The following TMEM8B variants were observed in gnomAD, a reference collection of about 807,000 sequenced individuals.
TMEM8B encodes nasopharyngeal carcinoma expressed 6.
Under a neutral mutation model 49.3 loss-of-function variants are expected in TMEM8B, and 29 were observed. That is an observed-to-expected ratio of 0.59 (90% CI 0.44 to 0.80). The LOEUF (loss-of-function observed/expected upper bound fraction) is 0.80, where lower values mean the gene tolerates loss of function less well. Ranked by LOEUF, TMEM8B falls within the 30% of genes least tolerant of loss-of-function variation. The pLI, the probability that TMEM8B is intolerant of heterozygous loss-of-function variation, is 0.00. For missense variants in TMEM8B, 575 were observed against 658.5 expected (o/e 0.87, Z 1.39); for synonymous variants, 264 against 272.8 (o/e 0.97, Z 0.32).
rs1331334871 is a variant in TMEM8B, at chr9:35,862,699, C to T, written c.*8859C>T. On this transcript the variant is annotated 3_prime_UTR_variant, in exon 13 of 13. Transcript: ENST00000643932. ...GGCTGGAGTGCCTTTCTTTTCTACTCATCCTTCAAGGCTCAGTTCACACAC... is the reference window on the plus strand; with the variant it reads ...GGCTGGAGTGCCTTTCTTTTCTACTTATCCTTCAAGGCTCAGTTCACACAC... 6.6e-6 allele frequency: 1 copy of T among 152,246 alleles called. No individual in the cohort carries two copies. Among genetic ancestry groups the T allele is most frequent in the African/African-American group, 2.4e-5 (1 of 41,442 alleles). The allele number at this position is 152,246 out of a possible 1,614,324, so 9.4% of individuals were successfully genotyped here.
At position 35,865,200 on chromosome 9, in the gene TMEM8B, A is replaced by G. The variant is rs1832717216; in HGVS notation, c.*11360A>G. The G allele has an allele frequency of 6.6e-6, 1 of 152,244 alleles. No individual in the cohort carries two copies. Among genetic ancestry groups the G allele is most frequent in the African/African-American group, 2.4e-5 (1 of 41,448 alleles). 9.4% of individuals were successfully genotyped at this position (152,244 alleles called of 1,614,324 possible). ...CTTGGATGCCATAGGCTCCAGGCCC[A>G]TAAGCCCGGCTTCACTAGGCCTGGG... On this transcript the variant is annotated 3_prime_UTR_variant, in exon 13 of 13. Transcript: ENST00000643932.
rs1189240726 is a variant in TMEM8B at position 35,856,198 on chromosome 9, C to T, written c.*2358C>T. The T allele has an allele frequency of 6.6e-6, 1 of 152,274 alleles. No homozygotes were observed. The highest frequency in any genetic ancestry group is 2.4e-5 in the African/African-American group (1 of 41,464). 9.4% of individuals were successfully genotyped at this position (152,274 alleles called of 1,614,324 possible). Reference sequence around the variant, plus strand: ...CATCCCTTCCCTGAGATTTTCATCACTCCCTGTGGTCTTCAGTCAGTAAAG... The same window carrying T: ...CATCCCTTCCCTGAGATTTTCATCATTCCCTGTGGTCTTCAGTCAGTAAAG... On this transcript the variant is annotated 3_prime_UTR_variant, in exon 13 of 13. Transcript: ENST00000643932.
intron 10 of TMEM8B, among the ~76,000 whole-genome samples, chr9:35,852,603 G>T (rs549439401): frequency 6.6e-6 from 1 of 152,116 alleles, no homozygotes; most frequent in African/African-American, 2.4e-5. Flanking sequence ...CTCAGGGTCA[G>T]GGTCAGGGCT....
chr9:35,831,410 C>T lies in TMEM8B; in HGVS notation c.508+1455C>T, dbSNP rs996574838. On this transcript the variant is annotated intron_variant, in intron 1 of 12. Transcript: ENST00000643932. ...GGCTGGAGACCCTTTCTCAGCAGTT[C>T]CAAGGGTGAGGGCAGTGTTGCATGC... 5.9e-5 allele frequency among the ~76,000 whole-genome samples: 9 copies of T among 152,132 alleles called. 1 individual carries two copies. Among genetic ancestry groups the T allele is most frequent in the Admixed American group, 4.6e-4 (7 of 15,278 alleles).
intron 3 of TMEM8B, among the ~76,000 whole-genome samples, chr9:35,840,663 T>C (rs1830885750): frequency 6.6e-6 from 1 of 151,712 alleles, no homozygotes; most frequent in Non-Finnish European, 1.5e-5. Context: ...AAGGTTGAGA[T>C]TGGTGGCGGG....
chr9:35,843,389 C>A (rs1222821592), intron 6 of TMEM8B, among the ~76,000 whole-genome samples: 2 of 152,230 alleles, frequency 1.3e-5, no homozygotes, highest in African/African-American at 2.4e-5. Context: ...CCTGCAACCA[C>A]CCAAAAGCTG....
In TMEM8B at chr9:35,856,062, G is replaced by A. The variant is rs1018188658; in HGVS notation, c.*2222G>A. ...TGGGGTGCATCCCTCCCAGTGAGGA[G>A]GGGTCATGAGGGGCGTCTGGGAAGA... On this transcript the variant is annotated 3_prime_UTR_variant, in exon 13 of 13. Transcript: ENST00000643932. 1.3e-5 allele frequency: 2 copies of A among 152,282 alleles called. No individual in the cohort carries two copies. Among genetic ancestry groups the A allele is most frequent in the South Asian group, 2.1e-4 (1 of 4,832 alleles). 9.4% of individuals were successfully genotyped at this position (152,282 alleles called of 1,614,324 possible).
rs1050484102 is a variant in TMEM8B at position 35,841,734 on chromosome 9, G to A, written c.1249G>A (p.Glu417Lys). The change falls in exon 5 of 13, where the codon GAA becomes AAA. Residue 417 changes from glutamate to lysine, a missense_variant. Transcript: ENST00000643932. The surrounding 1 kb of genome is among the most constrained non-coding windows in gnomAD (Gnocchi z 5.9). ...GGGGCACTGGGTCTACGTGCGTGTG[G>A]AAACATCATCCCGGGGCCCTGGTAG... ...PWGHWVYVRV[E>K]TSSRGPGRTI... 3.1e-5 allele frequency: 13 copies of A among 415,876 alleles called. No individual in the cohort carries two copies. The highest frequency in any genetic ancestry group is 5.3e-5 in the Non-Finnish European group (12 of 226,544). The allele number at this position is 415,876 out of a possible 1,614,324, so 25.8% of individuals were successfully genotyped here.
chr9:35,847,622 C>A (rs1159958327), intron 10 of TMEM8B, among the ~76,000 whole-genome samples: 3 of 152,158 alleles, frequency 2.0e-5, no homozygotes, highest in Admixed American at 6.5e-5. Context: ...CTCTCAGAGT[C>A]CTGAGAAGCT....
intron 6 of TMEM8B, among the ~76,000 whole-genome samples, chr9:35,844,814 G>A (rs1303758798): frequency 1.3e-5 from 2 of 152,138 alleles, no homozygotes; most frequent in Non-Finnish European, 2.9e-5. Flanking sequence ...TCACTTTAAT[G>A]AGCATCTGTT....
At chr9:35,837,290 GA>G (rs1387538090) in intron 3 of TMEM8B, among the ~76,000 whole-genome samples, 2 of 151,838 alleles carry the variant, frequency 1.3e-5, no homozygotes, top group East Asian at 3.8e-4. Flanking sequence ...GTGTGCTGGG[GA>G]CACAGAGAAA....
Position 35,833,315 on chromosome 9 carries a change from C to T in TMEM8B, c.509-1146C>T, listed in dbSNP as rs774150989. The T allele has an allele frequency of 1.0e-5, 10 of 985,326 alleles. No individual in the cohort carries two copies. The Middle Eastern group carries it at 4.7e-3, about 463-fold the overall frequency. 61.0% of individuals were successfully genotyped at this position (985,326 alleles called of 1,614,324 possible). A position where few individuals can be genotyped will look rare whatever the true frequency, so the allele number is the denominator to read the frequency against. On this transcript the variant is annotated intron_variant, in intron 1 of 12. Coordinates refer to ENST00000643932, the MANE Select transcript of TMEM8B (RefSeq NM_001042590.4). ...GGTCTGTCCTGAAGCTGCTGAGTTC[C>T]CCACCTTCTCACCTGTCCTGGAGGT... is the stretch of plus-strand genomic sequence containing the variant.
chr9:35,863,600 A>G lies in TMEM8B; in HGVS notation c.*9760A>G, dbSNP rs1204118492. 1 of 152,130 alleles carries G rather than the reference A, an allele frequency of 6.6e-6. No individual in the cohort carries two copies. Among genetic ancestry groups the G allele is most frequent in the African/African-American group, 2.4e-5 (1 of 41,416 alleles). 9.4% of individuals were successfully genotyped at this position (152,130 alleles called of 1,614,324 possible). A position where few individuals can be genotyped will look rare whatever the true frequency, so the allele number is the denominator to read the frequency against. ...GTACAACCTCATCATTTTAGTGGCT[A>G]GCATGACGAAGTTTTATTTCTCATG... On this transcript the variant is annotated 3_prime_UTR_variant, in exon 13 of 13. Transcript: ENST00000643932.
Position 35,858,624 on chromosome 9 carries a change from A to G in TMEM8B, c.*4784A>G, listed in dbSNP as rs1273317072. The G allele has an allele frequency of 6.6e-6, 1 of 152,276 alleles. No homozygotes were observed. Among genetic ancestry groups the G allele is most frequent in the Admixed American group, 6.5e-5 (1 of 15,286 alleles). 9.4% of individuals were successfully genotyped at this position (152,276 alleles called of 1,614,324 possible). A position where few individuals can be genotyped will look rare whatever the true frequency, so the allele number is the denominator to read the frequency against. ...CAGCTGGTGTGGTAGTCATTAGGCC[A>G]TTCACAAATCTCTCTGTCCCTCTCG... On this transcript the variant is annotated 3_prime_UTR_variant, in exon 13 of 13. Coordinates refer to ENST00000643932, the MANE Select transcript of TMEM8B (RefSeq NM_001042590.4).
rs186425399 is a variant in TMEM8B, at chr9:35,837,424, A to G, written c.906+2206A>G. On this transcript the variant is annotated intron_variant, in intron 3 of 12. Coordinates refer to ENST00000643932, the MANE Select transcript of TMEM8B (RefSeq NM_001042590.4). ...TTAAGCGGTGAGGTCTGAGGTTGAG[A>G]AGGCAGGGAAGGGCATTCCAGGTGG... is the stretch of plus-strand genomic sequence containing the variant. 8.5e-5 allele frequency among the ~76,000 whole-genome samples: 13 copies of G among 152,218 alleles called. No homozygotes were observed. In the East Asian group the frequency reaches 2.5e-3, roughly 29 times the overall value.
rs1246112709 is a variant in TMEM8B at position 35,860,769 on chromosome 9, A to G, written c.*6929A>G. On this transcript the variant is annotated 3_prime_UTR_variant, in exon 13 of 13. Transcript: ENST00000643932. ...AAGCAACTTACTTTCTGGCCTCCAT[A>G]TTGCTTTGTAGGAGAAATGATACTG... is the stretch of plus-strand genomic sequence containing the variant. 1 of 152,174 alleles carries G rather than the reference A, an allele frequency of 6.6e-6. No homozygotes were observed. Among genetic ancestry groups the G allele is most frequent in the African/African-American group, 2.4e-5 (1 of 41,418 alleles). 9.4% of individuals were successfully genotyped at this position (152,174 alleles called of 1,614,324 possible).
At chr9:35,850,206 A>G (rs1255725699) in intron 10 of TMEM8B, among the ~76,000 whole-genome samples, 2 of 152,246 alleles carry the variant, frequency 1.3e-5, no homozygotes, top group Non-Finnish European at 2.9e-5. Context: ...TGGATAGCCC[A>G]TTTTGGAGCA....
At chr9:35,832,767 C>T (rs138815710) in intron 1 of TMEM8B, among the ~76,000 whole-genome samples, 103 of 152,252 alleles carry the variant, frequency 6.8e-4, no homozygotes, top group Non-Finnish European at 1.4e-3. Context: ...CGCTAGAGTT[C>T]TGATTTCTTC....
At chr9:35,845,878 C>T (rs1831476348) in intron 6 of TMEM8B, 97 bp from the exon 7 acceptor site, 1 of 1,603,146 alleles carries the variant, frequency 6.2e-7, no homozygotes, top group East Asian at 2.2e-5. Context: ...ATGGGCTGTC[C>T]TTGGAAGGTG....
Sources: gnomAD v4.1 joint callset for allele counts (sites outside exome capture counted in the v4.1 genomes callset) on GRCh38, gnomAD v4.1.1 for gene constraint, Gnocchi (gnomAD v3.1) non-coding constraint, MANE v1.5 for transcripts, NCBI Gene and HGNC (gene_info 2026-07-23, HGNC 2026-07-21) for gene names.